The following ASIC2 variants were observed in gnomAD, a reference collection of about 807,000 sequenced individuals.
ASIC2 encodes acid-sensing ion channel 2.
Under a neutral mutation model 57.3 loss-of-function variants are expected in ASIC2, and 25 were observed. That is an observed-to-expected ratio of 0.44 (90% confidence interval 0.32 to 0.61). ASIC2 has a LOEUF of 0.61. Among genes scored for constraint, ASIC2 ranks in the 20% least tolerant of loss-of-function variants. The pLI is 0.06. For missense variants in ASIC2, 641 were observed against 738.1 expected, an observed-to-expected ratio of 0.87 and a Z score of 1.52; for synonymous variants, 319 against 307.5, an observed-to-expected ratio of 1.04 and a Z score of -0.39.
intron 1 of ASIC2, among the ~76,000 whole-genome samples, chr17:33,231,269 T>C (rs1354841081): frequency 1.3e-5 from 2 of 152,210 alleles, no homozygotes; most frequent in Admixed American, 1.3e-4. Context: ...AGAGTAAATG[T>C]ATCTCCATGC....
intron 1 of ASIC2, among the ~76,000 whole-genome samples, chr17:33,759,621 A>G (rs2142111210): frequency 6.6e-6 from 1 of 152,254 alleles, no homozygotes; most frequent in African/African-American, 2.4e-5. Context: ...GAGGCCTAGG[A>G]TGGCAGAATG....
intron 1 of ASIC2, among the ~76,000 whole-genome samples, chr17:33,411,850 C>T (rs1181244507): frequency 2.0e-5 from 3 of 152,138 alleles, no homozygotes; most frequent in Non-Finnish European, 4.4e-5. Flanking sequence ...TACATTGCAG[C>T]ATCACTGTGA....
chr17:33,024,613 C>T (rs1181601859), intron 5 of ASIC2, among the ~76,000 whole-genome samples: 1 of 152,206 alleles, frequency 6.6e-6, no homozygotes, highest in Non-Finnish European at 1.5e-5. Context: ...CAAACTTAGC[C>T]AGGCTCTTCA....
rs143447793 is a variant in ASIC2, at chr17:34,081,428, A to G, written c.555+74550T>C. ...TTAGGGAAGCTTTGCACCAGAGGGTACGCATCTCCTCCTTGGTTCTACACC... is the reference window on the plus strand; with the variant it reads ...TTAGGGAAGCTTTGCACCAGAGGGTGCGCATCTCCTCCTTGGTTCTACACC... On this transcript the variant is annotated intron_variant, in intron 1 of 9. Transcript: ENST00000359872. Among the ~76,000 whole-genome samples the G allele has an allele frequency of 1.7e-3, 263 of 152,326 alleles. 1 individual carries two copies. The highest frequency in any genetic ancestry group is 6.2e-3 in the African/African-American group (258 of 41,572).
At chr17:33,184,644 C>T (rs1597620208) in intron 1 of ASIC2, among the ~76,000 whole-genome samples, 1 of 152,266 alleles carries the variant, frequency 6.6e-6, no homozygotes, top group East Asian at 1.9e-4. Context: ...AGAGGTCCAG[C>T]CCCTCAACTC....
intron 1 of ASIC2, among the ~76,000 whole-genome samples, chr17:33,372,334 C>A (rs569753745): frequency 7.9e-5 from 12 of 152,210 alleles, no homozygotes; most frequent in Non-Finnish European, 1.3e-4. Context: ...TCAGAAGGTG[C>A]TACATTGTCC....
chr17:33,882,993 G>C (rs1284870759), intron 1 of ASIC2, among the ~76,000 whole-genome samples: 1 of 152,082 alleles, frequency 6.6e-6, no homozygotes, highest in African/African-American at 2.4e-5. Flanking sequence ...ATCATTCTCA[G>C]CAAACTATTG....
chr17:33,950,143 C>G (rs1904511883), intron 1 of ASIC2, among the ~76,000 whole-genome samples: 1 of 152,216 alleles, frequency 6.6e-6, no homozygotes, highest in Non-Finnish European at 1.5e-5. Context: ...TTAAGAAATC[C>G]TTCAGGGTCA....
At chr17:33,024,525 C>A (rs1333909009) in intron 5 of ASIC2, among the ~76,000 whole-genome samples, 1 of 152,212 alleles carries the variant, frequency 6.6e-6, no homozygotes, top group African/African-American at 2.4e-5. Flanking sequence ...GGAACCCTTC[C>A]TGCCCTCTCC....
intron 1 of ASIC2, among the ~76,000 whole-genome samples, chr17:33,833,217 T>A (rs1023937334): frequency 6.6e-6 from 1 of 152,184 alleles, no homozygotes; most frequent in Non-Finnish European, 1.5e-5. Flanking sequence ...GCAAATTACC[T>A]CCATAAGATG....
At chr17:33,417,310 A>G (rs1910880569) in intron 1 of ASIC2, among the ~76,000 whole-genome samples, 1 of 152,326 alleles carries the variant, frequency 6.6e-6, no homozygotes, top group Middle Eastern at 3.4e-3. Context: ...ACGTCTGTCT[A>G]TAATTGAATG....
At chr17:33,340,164 G>A (rs924647910) in intron 1 of ASIC2, among the ~76,000 whole-genome samples, 1 of 152,150 alleles carries the variant, frequency 6.6e-6, no homozygotes, top group African/African-American at 2.4e-5. Flanking sequence ...AAAGAAACAG[G>A]TCACCTTTGC....
chr17:33,892,718 A>G (rs1416003705), intron 1 of ASIC2, among the ~76,000 whole-genome samples: 1 of 152,160 alleles, frequency 6.6e-6, no homozygotes. Context: ...ACATAGTTTT[A>G]TTTCTCAAAA....
At chr17:33,636,806 A>T (rs573864177) in intron 1 of ASIC2, among the ~76,000 whole-genome samples, 2 of 151,954 alleles carry the variant, frequency 1.3e-5, no homozygotes, top group Non-Finnish European at 2.9e-5. Context: ...ACAACCTACA[A>T]CTACTCAAAC....
At chr17:34,101,244 G>C (rs1211381310) in intron 1 of ASIC2, among the ~76,000 whole-genome samples, 1 of 152,194 alleles carries the variant, frequency 6.6e-6, no homozygotes, top group Non-Finnish European at 1.5e-5. Context: ...AAGTACCAGA[G>C]ACACATACAT....
chr17:33,699,766 A>C (rs1031644786), intron 1 of ASIC2, among the ~76,000 whole-genome samples: 4 of 152,164 alleles, frequency 2.6e-5, no homozygotes, highest in African/African-American at 9.7e-5. Flanking sequence ...ATTAGGTGTG[A>C]ATACAATTTT....
At chr17:33,721,436 C>G (rs552737473) in intron 1 of ASIC2, among the ~76,000 whole-genome samples, 10 of 152,312 alleles carry the variant, frequency 6.6e-5, no homozygotes, top group Admixed American at 1.3e-4. Flanking sequence ...AGTCACTGCT[C>G]TGTTCTCCAT....
At chr17:33,722,507 C>T (rs552637740) in intron 1 of ASIC2, among the ~76,000 whole-genome samples, 1 of 152,008 alleles carries the variant, frequency 6.6e-6, no homozygotes, top group South Asian at 2.1e-4. Context: ...TGGCCCATGC[C>T]TATAGTCCCA....
intron 1 of ASIC2, among the ~76,000 whole-genome samples, chr17:33,483,041 A>C (rs1404260496): frequency 6.6e-5 from 10 of 152,218 alleles, no homozygotes; most frequent in African/African-American, 2.4e-4. Flanking sequence ...GATGGCAAAG[A>C]GGCAGAAGCG....
Sources: allele counts gnomAD v4.1 joint callset (sites outside exome capture counted in the v4.1 genomes callset), GRCh38; gene constraint gnomAD v4.1.1; transcripts MANE v1.5; gene names NCBI Gene and HGNC (gene_info 2026-07-23, HGNC 2026-07-21).